Variants in ATXN7L1 observed in about 807,000 individuals in gnomAD.
ATXN7L1 encodes ataxin-7-like protein 1.
Under a neutral mutation model 70.8 loss-of-function variants are expected in ATXN7L1, and 15 were observed. That is an observed-to-expected ratio of 0.21 (90% CI 0.14 to 0.33). The LOEUF (loss-of-function observed/expected upper bound fraction) is 0.33, where lower values mean the gene tolerates loss of function less well. Among genes scored for constraint, ATXN7L1 ranks in the 10% least tolerant of loss-of-function variants. The pLI is 1.00. For synonymous variants in ATXN7L1, 440 were observed against 445.1 expected, an observed-to-expected ratio of 0.99 and a Z score of 0.14; for missense variants, 975 against 1,097.1, an observed-to-expected ratio of 0.89 and a Z score of 1.57.
At chr7:105,777,791 C>T (rs1488668790) in intron 3 of ATXN7L1, among the ~76,000 whole-genome samples, 1 of 152,206 alleles carries the variant, frequency 6.6e-6, no homozygotes, top group Non-Finnish European at 1.5e-5. Context: ...CAATACCCCC[C>T]AGTGTCTTAG....
chr7:105,673,763 T>TG (rs1412827340), intron 3 of ATXN7L1, among the ~76,000 whole-genome samples: 1 of 152,172 alleles, frequency 6.6e-6, no homozygotes, highest in East Asian at 1.9e-4. Context: ...GCTGTGGAAA[T>TG]GGAGACAGAC....
intron 3 of ATXN7L1, among the ~76,000 whole-genome samples, chr7:105,666,672 TTC>T (rs1194581531): frequency 6.6e-6 from 1 of 152,234 alleles, no homozygotes; most frequent in Admixed American, 6.5e-5. Flanking sequence ...ATTGCTGGGT[TTC>T]TTTGCTTGAC....
intron 4 of ATXN7L1, among the ~76,000 whole-genome samples, chr7:105,657,924 A>T (rs1800937230): frequency 6.6e-6 from 1 of 152,134 alleles, no homozygotes; most frequent in Non-Finnish European, 1.5e-5. Flanking sequence ...TGGGTCAAAT[A>T]TTTCTAATGA....
chr7:105,775,091 T>C (rs1230833570), intron 3 of ATXN7L1, among the ~76,000 whole-genome samples: 1 of 152,204 alleles, frequency 6.6e-6, no homozygotes, highest in African/African-American at 2.4e-5. Context: ...TCATCCTTTA[T>C]GCCCCCCAAT....
At chr7:105,800,172 T>A (rs1806603379) in intron 2 of ATXN7L1, among the ~76,000 whole-genome samples, 1 of 152,110 alleles carries the variant, frequency 6.6e-6, no homozygotes, top group Non-Finnish European at 1.5e-5. Context: ...ACAATGTCCT[T>A]AATCACAAGT....
intron 2 of ATXN7L1, among the ~76,000 whole-genome samples, chr7:105,840,473 C>T (rs541133174): frequency 2.0e-5 from 3 of 152,320 alleles, no homozygotes; most frequent in Non-Finnish European, 4.4e-5. Flanking sequence ...TTGAATGTGT[C>T]TGAGTCCAGG....
chr7:105,819,058 G>A lies in ATXN7L1; in HGVS notation c.251-30350C>T, dbSNP rs1429530996. 3.0e-5 allele frequency among the ~76,000 whole-genome samples: 3 copies of A among 101,150 alleles called. No individual in the cohort carries two copies. In the Admixed American group the frequency reaches 3.6e-4, roughly 12 times the overall value. The allele number at this position is 101,150 out of a possible 152,430, so 66.4% of individuals were successfully genotyped here. ...AGCCCCCCACCCCCGGAGAGACCCCGGTGTGTGACGTTCCCCACCCTGTGT... is the reference window on the plus strand; with the variant it reads ...AGCCCCCCACCCCCGGAGAGACCCCAGTGTGTGACGTTCCCCACCCTGTGT... On this transcript the variant is annotated intron_variant, in intron 2 of 11. Coordinates refer to ENST00000419735, the MANE Select transcript of ATXN7L1 (RefSeq NM_020725.2).
At chr7:105,670,771 A>G (rs1016707021) in intron 3 of ATXN7L1, among the ~76,000 whole-genome samples, 4 of 151,122 alleles carry the variant, frequency 2.6e-5, no homozygotes, top group Admixed American at 1.3e-4. Context: ...AGACCACCCT[A>G]GCCAACATGG....
chr7:105,827,687 A>G (rs2116579027), intron 2 of ATXN7L1, among the ~76,000 whole-genome samples: 1 of 152,312 alleles, frequency 6.6e-6, no homozygotes, highest in Admixed American at 6.5e-5. Flanking sequence ...CTCCGTGTAC[A>G]CTAAGGATGA....
At chr7:105,806,910 C>G (rs1585049511) in intron 2 of ATXN7L1, among the ~76,000 whole-genome samples, 1 of 141,778 alleles carries the variant, frequency 7.1e-6, no homozygotes, top group East Asian at 2.5e-4. Context: ...GGGGGATGTA[C>G]AACCAAGAAA....
At chr7:105,674,583 G>A (rs774102755) in intron 3 of ATXN7L1, among the ~76,000 whole-genome samples, 7 of 152,208 alleles carry the variant, frequency 4.6e-5, no homozygotes, top group Non-Finnish European at 1.0e-4. Flanking sequence ...AGGCTTGCCT[G>A]GCCCCAGAGC....
intron 2 of ATXN7L1, among the ~76,000 whole-genome samples, chr7:105,799,422 A>T (rs1216209230): frequency 1.3e-5 from 2 of 152,078 alleles, no homozygotes; most frequent in African/African-American, 4.8e-5. Flanking sequence ...CACTGCTCGG[A>T]ATCCCTGAGA....
At chr7:105,653,069 TA>T (rs532350577) in intron 4 of ATXN7L1, among the ~76,000 whole-genome samples, 18 of 150,366 alleles carry the variant, frequency 1.2e-4, no homozygotes, top group South Asian at 8.4e-4. Flanking sequence ...TTTGCCATAT[TA>T]AAAAAAAAAG....
At chr7:105,765,242 G>A (rs1801091815) in intron 3 of ATXN7L1, among the ~76,000 whole-genome samples, 1 of 151,496 alleles carries the variant, frequency 6.6e-6, no homozygotes, top group Non-Finnish European at 1.5e-5. Flanking sequence ...GCTGAGGCAG[G>A]AGAATTGCTT....
chr7:105,722,709 T>C (rs181410270), intron 3 of ATXN7L1, among the ~76,000 whole-genome samples: 1 of 143,346 alleles, frequency 7.0e-6, no homozygotes, highest in Non-Finnish European at 1.5e-5. Flanking sequence ...TGAAACCCCA[T>C]CTCTACTAAA....
At position 105,605,890 on chromosome 7, in the gene ATXN7L1, C is replaced by T. The variant is rs1176650338; in HGVS notation, c.*1962G>A. 1 of 152,104 alleles carries T rather than the reference C, an allele frequency of 6.6e-6. No homozygotes were observed. The highest frequency in any genetic ancestry group is 6.5e-5 in the Admixed American group (1 of 15,280). The allele number at this position is 152,104 out of a possible 1,614,324, so 9.4% of individuals were successfully genotyped here. A position where few individuals can be genotyped will look rare whatever the true frequency, so the allele number is the denominator to read the frequency against. ...CCTAAGTTTCATATTGTTTCTGAAA[C>T]TATTCTGGTCAGTTAGCTCTGTAAT... On this transcript the variant is annotated 3_prime_UTR_variant, in exon 12 of 12. Transcript: ENST00000419735.
chr7:105,808,523 T>A (rs769569482), intron 2 of ATXN7L1, among the ~76,000 whole-genome samples: 1 of 152,178 alleles, frequency 6.6e-6, no homozygotes, highest in African/African-American at 2.4e-5. Flanking sequence ...TGAACTATTA[T>A]GGGAAGGAAG....
Position 105,607,504 on chromosome 7 carries a change from C to A in ATXN7L1, c.*348G>T, listed in dbSNP as rs191609454. 3 of 278,152 alleles carry A rather than the reference C, an allele frequency of 1.1e-5. No individual in the cohort carries two copies. The highest frequency in any genetic ancestry group is 2.0e-5 in the Non-Finnish European group (3 of 146,696). 17.2% of individuals were successfully genotyped at this position (278,152 alleles called of 1,614,324 possible). On this transcript the variant is annotated 3_prime_UTR_variant, in exon 12 of 12. Coordinates refer to ENST00000419735, the MANE Select transcript of ATXN7L1 (RefSeq NM_020725.2). ...AGCATGCCAACCTGGAACCAACATT[C>A]TGCAATGTCTGCTCTCATGGCTGGA...
chr7:105,847,263 T>C (rs985226657), intron 2 of ATXN7L1, among the ~76,000 whole-genome samples: 7 of 152,118 alleles, frequency 4.6e-5, no homozygotes, highest in Non-Finnish European at 1.0e-4. Flanking sequence ...CTTCTTGGCT[T>C]GATGGGTGAG....
Sources: gnomAD v4.1 joint callset for allele counts (sites outside exome capture counted in the v4.1 genomes callset) on GRCh38, gnomAD v4.1.1 for gene constraint, MANE v1.5 for transcripts, NCBI Gene and HGNC (gene_info 2026-07-23, HGNC 2026-07-21) for gene names.